The following TKTL1 variants were observed in gnomAD, a reference collection of about 807,000 sequenced individuals.
TKTL1 encodes transketolase-like protein 1.
A neutral mutation model predicts 39.3 loss-of-function variants in TKTL1; 1 was observed. The ratio of observed to expected loss-of-function variants is 0.03; its 90% CI spans 0.01 to 0.12. The LOEUF is 0.12. Among genes scored for constraint, TKTL1 ranks in the 10% least tolerant of loss-of-function variants. The pLI, the probability that TKTL1 is intolerant of heterozygous loss-of-function variation, is 1.00. For synonymous variants in TKTL1, 262 were observed against 193.8 expected, an observed-to-expected ratio of 1.35 and a Z score of -2.92; for missense variants, 575 against 509.6, an observed-to-expected ratio of 1.13 and a Z score of -1.24.
chrX:154,305,926 AAAAG>A (rs1458656070), intron 2 of TKTL1, among the ~76,000 whole-genome samples: 3 of 111,829 alleles, frequency 2.7e-5, no homozygotes, highest in South Asian at 3.7e-4. Context: ...ATAGGAAAGA[AAAAG>A]AACCTTAAAA....
At chrX:154,324,104 A>C (rs1024335295) in intron 9 of TKTL1, among the ~76,000 whole-genome samples, 1 of 110,141 alleles carries the variant, frequency 9.1e-6, no homozygotes, top group Non-Finnish European at 1.9e-5. Context: ...CCCGCTTTAC[A>C]TATTATTAGG....
Position 154,296,070 on chromosome X carries a change from G to T in TKTL1, c.134+77G>T, listed in dbSNP as rs189681601. 522 of 1,129,443 alleles carry T rather than the reference G, an allele frequency of 4.6e-4. 3 individuals carry two copies. In the African/African-American group the frequency reaches 8.0e-3, roughly 17 times the overall value. The allele number at this position is 1,129,443 out of a possible 1,213,427, so 93.1% of individuals were successfully genotyped here. A position where few individuals can be genotyped will look rare whatever the true frequency, so the allele number is the denominator to read the frequency against. ...CTTCAGGCCTGGTGGCCATGAGGCC[G>T]TGTGGTGAAGGGAGAGCCTTCAGAG... On this transcript the variant is annotated intron_variant, in intron 1 of 12. Transcript: ENST00000369915.
At chrX:154,305,271 T>C (rs2067306323) in intron 1 of TKTL1, 33 bp from the exon 2 acceptor site, 2 of 1,197,381 alleles carry the variant, frequency 1.7e-6, no homozygotes, top group Non-Finnish European at 2.3e-6. Context: ...CCAGTTGCTG[T>C]GAGAAATGAC....
At chrX:154,319,183 T>A (rs1272623778) in intron 7 of TKTL1, among the ~76,000 whole-genome samples, 7 of 112,292 alleles carry the variant, frequency 6.2e-5, no homozygotes, top group Non-Finnish European at 1.1e-4. Context: ...GGAATGTCAC[T>A]CAGTTCTTTG....
rs781821014 is a variant in TKTL1 at position 154,315,344 on chromosome X, G to A, written c.1029+7G>A. ...TATGGCTGAACAAAACATGGTGAGT[G>A]TGTAGTGTCTCTCAGGGCTTCTTAG... On this transcript the variant is annotated splice_region_variant and intron_variant, in intron 7 of 12. Transcript: ENST00000369915. 1 of 1,200,844 alleles carries A rather than the reference G, an allele frequency of 8.3e-7. No homozygotes were observed. Among genetic ancestry groups the A allele is most frequent in the Admixed American group, 2.2e-5 (1 of 45,746 alleles).
intron 6 of TKTL1, among the ~76,000 whole-genome samples, chrX:154,313,224 G>A (rs1474012002): frequency 2.7e-5 from 3 of 112,409 alleles, no homozygotes; most frequent in African/African-American, 9.7e-5. Context: ...ACTTTGGTTT[G>A]TGCATGAAAC....
chrX:154,320,927 A>T lies in TKTL1; in HGVS notation c.1186+14A>T, dbSNP rs1557170577. ...GGGTATCTGTTGGTAAGGGTTCTAA[A>T]TGCCATCATCTTGGTAGCCTTCCTC... On this transcript the variant is annotated intron_variant, in intron 8 of 12. Transcript: ENST00000369915. 1 of 1,207,083 alleles carries T rather than the reference A, an allele frequency of 8.3e-7. No individual in the cohort carries two copies. The highest frequency in any genetic ancestry group is 2.2e-5 in the Admixed American group (1 of 46,033).
At chrX:154,297,799 TG>T (rs2067242386) in intron 1 of TKTL1, among the ~76,000 whole-genome samples, 1 of 110,955 alleles carries the variant, frequency 9.0e-6, no homozygotes, top group Non-Finnish European at 1.9e-5. Context: ...TAGCTGGGCG[TG>T]GTGGCACGTG....
chrX:154,318,707 C>CA (rs1208196360), intron 7 of TKTL1, among the ~76,000 whole-genome samples: 1,157 of 29,429 alleles, frequency 0.039, 16 homozygotes, highest in Non-Finnish European at 0.065. Flanking sequence ...GCCTCCGTCT[C>CA]AAAAAAAAAA....
At chrX:154,298,744 CTG>C (rs1457772843) in intron 1 of TKTL1, among the ~76,000 whole-genome samples, 3 of 112,181 alleles carry the variant, frequency 2.7e-5, no homozygotes, top group African/African-American at 9.7e-5. Context: ...TTCTTAGTCT[CTG>C]TTTTATTTGT....
intron 5 of TKTL1, among the ~76,000 whole-genome samples, chrX:154,311,768 A>G (rs2067359644): frequency 9.0e-6 from 1 of 111,399 alleles, no homozygotes; most frequent in South Asian, 3.8e-4. Context: ...ATTTTAGAAT[A>G]AAACTGTTCT....
At chrX:154,310,165 AGCAGGTGGCG>A (rs1309655361) in intron 3 of TKTL1, among the ~76,000 whole-genome samples, 2 of 111,860 alleles carry the variant, frequency 1.8e-5, no homozygotes, top group South Asian at 3.7e-4. Flanking sequence ...GAACAGAACT[AGCAGGTGGCG>A]GCGGGAGGCG....
chrX:154,298,925 G>C (rs2067251350), intron 1 of TKTL1, among the ~76,000 whole-genome samples: 1 of 109,554 alleles, frequency 9.1e-6, no homozygotes, highest in Non-Finnish European at 1.9e-5. Flanking sequence ...GGCCAGGTTG[G>C]TTTCAGACCC....
At chrX:154,314,193 T>C (rs1411554247) in intron 6 of TKTL1, among the ~76,000 whole-genome samples, 6 of 111,386 alleles carry the variant, frequency 5.4e-5, no homozygotes, top group Non-Finnish European at 1.1e-4. Context: ...AAGAGTAATT[T>C]CTAAACTGTT....
At chrX:154,326,495 G>C (rs1193936726) in intron 10 of TKTL1, among the ~76,000 whole-genome samples, 4 of 112,440 alleles carry the variant, frequency 3.6e-5, no homozygotes, top group African/African-American at 1.3e-4. Flanking sequence ...ATCCAATTTG[G>C]TTGCTAAGGA....
rs782353315 is a variant in TKTL1, at chrX:154,315,311, G to C, written c.1003G>C (p.Glu335Gln). Reference protein sequence around the residue: ...FNKEYPERFIECFMAEQNMVS... With the variant: ...FNKEYPERFIQCFMAEQNMVS... ...CAAGGAGTACCCTGAGCGCTTCATCGAGTGCTTTATGGCTGAACAAAACAT... is the reference window on the plus strand; with the variant it reads ...CAAGGAGTACCCTGAGCGCTTCATCCAGTGCTTTATGGCTGAACAAAACAT... Residue 335 changes from glutamate to glutamine, a missense_variant, in exon 7 of 13, where the codon GAG becomes CAG. By Grantham distance (29) the Glu-to-Gln change is conservative (BLOSUM62 2). Coordinates refer to ENST00000369915, the MANE Select transcript of TKTL1 (RefSeq NM_012253.4). 7 of 1,209,064 alleles carry C rather than the reference G, an allele frequency of 5.8e-6. No individual in the cohort carries two copies. The highest frequency in any genetic ancestry group is 1.8e-5 in the African/African-American group (1 of 57,048).
At chrX:154,318,372 G>A (rs2067419249) in intron 7 of TKTL1, among the ~76,000 whole-genome samples, 1 of 110,632 alleles carries the variant, frequency 9.0e-6, no homozygotes, top group African/African-American at 3.3e-5. Context: ...CGGCACTTTG[G>A]GAGGCTGAAG....
Position 154,330,019 on chromosome X carries a change from C to G in TKTL1, c.*331C>G, listed in dbSNP as rs959132037. The G allele has an allele frequency of 3.9e-5, 7 of 180,029 alleles. No homozygotes were observed. The highest frequency in any genetic ancestry group is 2.9e-4 in the Admixed American group (4 of 13,650). 14.8% of individuals were successfully genotyped at this position (180,029 alleles called of 1,213,427 possible). A position where few individuals can be genotyped will look rare whatever the true frequency, so the allele number is the denominator to read the frequency against. On this transcript the variant is annotated 3_prime_UTR_variant, in exon 13 of 13. Coordinates refer to ENST00000369915, the MANE Select transcript of TKTL1 (RefSeq NM_012253.4). ...GTAATCAATTCTTCCGAAGTGTTTC[C>G]TTCGTGAATAACTGGTAGAGGTAAT...
chrX:154,318,593 A>G (rs1256232841), intron 7 of TKTL1, among the ~76,000 whole-genome samples: 1 of 107,526 alleles, frequency 9.3e-6, no homozygotes, highest in Non-Finnish European at 1.9e-5. Flanking sequence ...CTGTAGTCCC[A>G]GCTACTCGGG....
Sources: gnomAD v4.1 joint callset for allele counts (sites outside exome capture counted in the v4.1 genomes callset) on GRCh38, gnomAD v4.1.1 for gene constraint, MANE v1.5 for transcripts, NCBI Gene and HGNC (gene_info 2026-07-23, HGNC 2026-07-21) for gene names.